The following ALDH1A3 variants were observed in gnomAD, a reference collection of about 807,000 sequenced individuals.
The protein encoded by ALDH1A3 is aldehyde dehydrogenase 1 family member A3.
ALDH1A3 carries 28 observed loss-of-function variants against 57.5 expected under a neutral mutation model. The observed-to-expected ratio is 0.49, with a 90% CI of 0.36 to 0.67. The LOEUF (loss-of-function observed/expected upper bound fraction) is 0.67, where lower values mean the gene tolerates loss of function less well. Ranked by LOEUF, ALDH1A3 falls within the 30% of genes least tolerant of loss-of-function variation. The pLI is 0.00. For missense variants in ALDH1A3, 507 were observed against 669.4 expected (o/e 0.76, Z 2.68); for synonymous variants, 281 against 264.8 (o/e 1.06, Z -0.59).
intron 7 of ALDH1A3, 93 bp downstream of exon 7, chr15:100,896,139 T>C (rs1243499026): frequency 9.6e-7 from 1 of 1,045,106 alleles, no homozygotes; most frequent in East Asian, 2.6e-5. Flanking sequence ...ATATGATTTG[T>C]TTTTCTTCTA....
chr15:100,908,355 G>A (rs371573786), intron 11 of ALDH1A3, 53 bp from the exon 12 acceptor site: 647 of 1,500,924 alleles, frequency 4.3e-4, no homozygotes, highest in Non-Finnish European at 5.7e-4. Flanking sequence ...GCAGTGCCAG[G>A]AGCCAGGGGG....
intron 3 of ALDH1A3, 44 bp from the exon 4 acceptor site, chr15:100,892,466 A>T (rs1413770641): frequency 6.2e-7 from 1 of 1,610,238 alleles, no homozygotes; most frequent in Admixed American, 1.7e-5. Flanking sequence ...AGTGCAAAAG[A>T]AAAGCAAGCT....
chr15:100,885,443 C>T, intron 2 of ALDH1A3, 72 bp downstream of exon 2: 3 of 1,208,690 alleles, frequency 2.5e-6, no homozygotes, highest in Non-Finnish European at 3.6e-6. Context: ...AACGGTTCGG[C>T]TTAGCTATAA....
intron 12 of ALDH1A3, 139 bp downstream of exon 12, chr15:100,908,621 C>T: frequency 1.3e-6 from 1 of 754,994 alleles, no homozygotes; most frequent in Non-Finnish European, 2.2e-6. Context: ...CTGTGTCCCT[C>T]TAGGGTTGGT....
intron 6 of ALDH1A3, chr15:100,895,681 G>T: frequency 1.8e-6 from 1 of 547,532 alleles, no homozygotes. Flanking sequence ...CTTTGGGATG[G>T]GGTCCCCCCC....
intron 1 of ALDH1A3, among the ~76,000 whole-genome samples, chr15:100,883,736 C>T (rs1804176298): frequency 6.6e-6 from 1 of 151,800 alleles, no homozygotes; most frequent in Non-Finnish European, 1.5e-5. Flanking sequence ...TAAACATGTG[C>T]CATGGTGGTT....
In ALDH1A3 at chr15:100,900,719, TG is replaced by T. The variant is rs2041758893; in HGVS notation, c.1031del (p.Gly344GlufsTer23). 6.2e-7 allele frequency: 1 copy of T among 1,613,954 alleles called. No homozygotes were observed. Among genetic ancestry groups the T allele is most frequent in the Admixed American group, 1.7e-5 (1 of 59,994 alleles). ...RSVEYAKKRP[V>X]GDPFDVKTEQ... ...GTGGAGTATGCCAAGAAACGGCCCG[TG>T]GGAGACCCCTTCGATGTCAAAACAG... On this transcript the variant is annotated frameshift_variant, in exon 9 of 13. Coordinates refer to ENST00000329841, the MANE Select transcript of ALDH1A3 (RefSeq NM_000693.4). LOFTEE classifies it high-confidence loss of function.
At chr15:100,914,650 A>G in intron 12 of ALDH1A3, 51 bp from the exon 13 acceptor site, 1 of 1,563,506 alleles carries the variant, frequency 6.4e-7, no homozygotes, top group Non-Finnish European at 8.8e-7. Flanking sequence ...TTTCTACACA[A>G]TGGCTAAGGG....
intron 7 of ALDH1A3, among the ~76,000 whole-genome samples, chr15:100,897,692 T>C (rs549189071): frequency 2.0e-5 from 3 of 152,324 alleles, no homozygotes; most frequent in African/African-American, 4.8e-5. Flanking sequence ...CTGTTTCTAG[T>C]GAGAGGTAGA....
chr15:100,894,323 A>G lies in ALDH1A3; in HGVS notation c.666+241A>G, dbSNP rs772643818. On this transcript the variant is annotated intron_variant, in intron 6 of 12. Transcript: ENST00000329841. This position sits in a 1 kb window ranked among gnomAD's most constrained non-coding sequence, Gnocchi z 4.5. ...ATGCTTAACTCTTATTATGGGCTCA[A>G]ACCTATGGTTGAGGACCCAGTGGTT... 4.2e-5 allele frequency: 19 copies of G among 453,352 alleles called. No homozygotes were observed. The highest frequency in any genetic ancestry group is 1.1e-4 in the Admixed American group (3 of 26,492). 28.1% of individuals were successfully genotyped at this position (453,352 alleles called of 1,614,324 possible).
intron 2 of ALDH1A3, among the ~76,000 whole-genome samples, chr15:100,886,492 G>A (rs1182815308): frequency 6.6e-6 from 1 of 152,134 alleles, no homozygotes; most frequent in African/African-American, 2.4e-5. Flanking sequence ...CAGAGCCTGG[G>A]AGAAGAAATT....
intron 12 of ALDH1A3, chr15:100,913,965 G>T (rs1016843931): frequency 3.9e-5 from 6 of 152,256 alleles, no homozygotes; most frequent in African/African-American, 1.4e-4. Flanking sequence ...CTCCAAAGCT[G>T]CCTCTTGGGT....
At chr15:100,913,392 G>A (rs906195060) in intron 12 of ALDH1A3, 1 of 152,192 alleles carries the variant, frequency 6.6e-6, no homozygotes, top group African/African-American at 2.4e-5. Context: ...CTACTTCCTT[G>A]CCTTTTCCAT....
In ALDH1A3 at chr15:100,892,580, G is replaced by C; in HGVS notation, c.416G>C (p.Arg139Thr). 6.2e-7 allele frequency: 1 copy of C among 1,613,512 alleles called. No homozygotes were observed. The highest frequency in any genetic ancestry group is 2.2e-5 in the East Asian group (1 of 44,862). The change falls in exon 4 of 13, where the codon AGA becomes ACA. Residue 139 changes from arginine to threonine, a missense_variant. Physicochemically the swap from Arg to Thr is moderately conservative, Grantham distance 71. Coordinates refer to ENST00000329841, the MANE Select transcript of ALDH1A3 (RefSeq NM_000693.4). The part of the protein sequence containing the change: ...AFFIDLEGCI[R>T]TLRYFAGWAD... Reference sequence around the variant, plus strand: ...TTCATCGACCTGGAGGGCTGTATTAGAACCCTCAGATACTTTGCAGGGTGG... The same window carrying C: ...TTCATCGACCTGGAGGGCTGTATTACAACCCTCAGATACTTTGCAGGGTGG...
intron 3 of ALDH1A3, among the ~76,000 whole-genome samples, chr15:100,891,037 G>A (rs28504296): frequency 2.0e-5 from 3 of 152,278 alleles, no homozygotes; most frequent in East Asian, 1.9e-4. Context: ...AACCCAGTGC[G>A]CTGTCTGGGT....
rs373695197 is a variant in ALDH1A3 at position 100,896,750 on chromosome 15, T to C, written c.780+704T>C. 8.5e-5 allele frequency among the ~76,000 whole-genome samples: 13 copies of C among 152,344 alleles called. 1 individual carries two copies. The highest frequency in any genetic ancestry group is 2.0e-4 in the Admixed American group (3 of 15,306). On this transcript the variant is annotated intron_variant, in intron 7 of 12. Coordinates refer to ENST00000329841, the MANE Select transcript of ALDH1A3 (RefSeq NM_000693.4). Reference sequence around the variant, plus strand: ...ATTTTCTCATGAGGCTTCAGGGACATATTTTCAAGGATATTATATTCATTC... The same window carrying C: ...ATTTTCTCATGAGGCTTCAGGGACACATTTTCAAGGATATTATATTCATTC...
Position 100,887,712 on chromosome 15 carries a change from C to T in ALDH1A3, c.345C>T (p.Ala115=), listed in dbSNP as rs1284970733. 9 of 1,596,324 alleles carry T rather than the reference C, an allele frequency of 5.6e-6. No individual in the cohort carries two copies. Among genetic ancestry groups the T allele is most frequent in the Non-Finnish European group, 7.7e-6 (9 of 1,170,048 alleles). The change falls in exon 3 of 13, where the codon GCC becomes GCT. Residue 115 remains alanine, a splice_region_variant and synonymous_variant. Coordinates refer to ENST00000329841, the MANE Select transcript of ALDH1A3 (RefSeq NM_000693.4). This position sits in a 1 kb window ranked among gnomAD's most constrained non-coding sequence, Gnocchi z 4.6. The part of the protein sequence containing the change: ...DLVERDRATL[A]ALETMDTGKP... ...TGGAGAGGGACCGCGCCACCTTGGC[C>T]GTGAGTACATGCACTTGGGGGCCGG...
chr15:100,914,711 G>A lies in ALDH1A3; in HGVS notation c.1477G>A (p.Ala493Thr), dbSNP rs397514653. 6.2e-6 allele frequency: 10 copies of A among 1,614,014 alleles called. No homozygotes were observed. The highest frequency in any genetic ancestry group is 2.7e-5 in the African/African-American group (2 of 75,036). ...SGNGRELGEY[A>T]LAEYTEVKTV... is the part of the protein sequence containing the mutation. ...TTTCTGTGATCACAGAGGTGAATAC[G>A]CTTTGGCCGAATACACAGAAGTGAA... The change falls in exon 13 of 13, where the codon GCT becomes ACT. Residue 493 changes from alanine to threonine, a missense_variant. Physicochemically the swap from Ala to Thr is moderately conservative, Grantham distance 58. Coordinates refer to ENST00000329841, the MANE Select transcript of ALDH1A3 (RefSeq NM_000693.4).
intron 3 of ALDH1A3, among the ~76,000 whole-genome samples, chr15:100,890,784 C>T (rs1051797376): frequency 2.0e-5 from 3 of 152,202 alleles, no homozygotes; most frequent in Non-Finnish European, 4.4e-5. Flanking sequence ...AAAGAATAAA[C>T]TTGCAATTCC....
Sources: allele counts gnomAD v4.1 joint callset (sites outside exome capture counted in the v4.1 genomes callset), GRCh38; gene constraint gnomAD v4.1.1; non-coding constraint Gnocchi (gnomAD v3.1); transcripts MANE v1.5; gene names NCBI Gene and HGNC (gene_info 2026-07-23, HGNC 2026-07-21).